Variants in PREX1 observed in about 807,000 individuals in gnomAD.
PREX1 encodes phosphatidylinositol-3,4,5-trisphosphate dependent Rac exchange factor 1, also known as phosphatidylinositol 3,4,5-trisphosphate-dependent Rac exchanger 1 protein.
PREX1 carries 41 observed loss-of-function variants against 198.3 expected under a neutral mutation model. The ratio of observed to expected loss-of-function variants is 0.21; its 90% CI spans 0.16 to 0.27. The LOEUF is 0.27. Among genes scored for constraint, PREX1 ranks in the 10% least tolerant of loss-of-function variants. The pLI, the probability that PREX1 is intolerant of heterozygous loss-of-function variation, is 1.00. For synonymous variants in PREX1, 843 were observed against 887.2 expected, an observed-to-expected ratio of 0.95 and a Z score of 0.89; for missense variants, 1,620 against 2,200.7, an observed-to-expected ratio of 0.74 and a Z score of 5.28.
chr20:48,711,048 C>T (rs896755974), intron 5 of PREX1, among the ~76,000 whole-genome samples: 1 of 152,242 alleles, frequency 6.6e-6, no homozygotes, highest in Non-Finnish European at 1.5e-5. Flanking sequence ...TTTAAAGGAC[C>T]TCCCTGGCTG....
At chr20:48,768,545 A>G (rs530032372) in intron 1 of PREX1, among the ~76,000 whole-genome samples, 3 of 152,302 alleles carry the variant, frequency 2.0e-5, no homozygotes, top group African/African-American at 7.2e-5. Flanking sequence ...CTGTAATACC[A>G]GCACTTTGGG....
intron 33 of PREX1, among the ~76,000 whole-genome samples, chr20:48,634,088 ATGGATGGATGGATGCATGGATGCC>A (rs1315207787): frequency 2.8e-5 from 4 of 143,282 alleles, no homozygotes; most frequent in African/African-American, 1.0e-4. Flanking sequence ...GGATGGACGG[ATGGATGGATGGATGCATGGATGCC>A]TGGATGGATG....
intron 2 of PREX1, among the ~76,000 whole-genome samples, chr20:48,745,672 A>G (rs534041030): frequency 1.3e-5 from 2 of 152,366 alleles, no homozygotes; most frequent in African/African-American, 4.8e-5. Context: ...ACTCTCACAA[A>G]CAATATATGA....
intron 5 of PREX1, among the ~76,000 whole-genome samples, chr20:48,722,503 G>A (rs1255050891): frequency 2.0e-5 from 3 of 152,212 alleles, no homozygotes; most frequent in Non-Finnish European, 4.4e-5. Context: ...TCTTTTGGGG[G>A]TGACAGAAAT....
At chr20:48,784,551 T>C (rs933052395) in intron 1 of PREX1, among the ~76,000 whole-genome samples, 1 of 152,172 alleles carries the variant, frequency 6.6e-6, no homozygotes, top group African/African-American at 2.4e-5. Context: ...AGGCCTCATT[T>C]TGGTAACAAT....
intron 1 of PREX1, among the ~76,000 whole-genome samples, chr20:48,808,556 G>A (rs946060117): frequency 2.0e-5 from 3 of 152,068 alleles, no homozygotes; most frequent in East Asian, 1.9e-4. Context: ...TCATCTACCC[G>A]CACAAGTAGC....
At chr20:48,828,129 C>A (rs893370341), upstream of PREX1, among the ~76,000 whole-genome samples, 2 of 149,782 alleles carry the variant, frequency 1.3e-5, no homozygotes, top group Admixed American at 6.6e-5. Context: ...CTGCCAAGTG[C>A]CACGCCGCGC....
chr20:48,802,370 C>T (rs1231281388), intron 1 of PREX1, among the ~76,000 whole-genome samples: 1 of 152,134 alleles, frequency 6.6e-6, no homozygotes, highest in African/African-American at 2.4e-5. Context: ...CTCACTCTAC[C>T]CAGCCACACC....
At chr20:48,773,337 C>T (rs1220216685) in intron 1 of PREX1, among the ~76,000 whole-genome samples, 1 of 151,066 alleles carries the variant, frequency 6.6e-6, no homozygotes, top group Non-Finnish European at 1.5e-5. Context: ...TCAAGCTTCT[C>T]ATCCTGGCAT....
At chr20:48,818,513 AG>A (rs1314309428) in intron 1 of PREX1, among the ~76,000 whole-genome samples, 1 of 152,216 alleles carries the variant, frequency 6.6e-6, no homozygotes, top group East Asian at 1.9e-4. Flanking sequence ...TAAGGAGAAC[AG>A]AATGCGGGAG....
At chr20:48,813,638 A>G (rs894750918) in intron 1 of PREX1, among the ~76,000 whole-genome samples, 3 of 152,092 alleles carry the variant, frequency 2.0e-5, no homozygotes, top group Non-Finnish European at 4.4e-5. Context: ...AATAATAATA[A>G]CGTGTGTGTG....
At chr20:48,787,979 G>A (rs549252640) in intron 1 of PREX1, among the ~76,000 whole-genome samples, 40 of 152,330 alleles carry the variant, frequency 2.6e-4, no homozygotes, top group African/African-American at 4.8e-4. Context: ...GAAAACTGCC[G>A]ATGTGGGAGC....
chr20:48,822,555 C>T (rs1490664905), intron 1 of PREX1, among the ~76,000 whole-genome samples: 1 of 152,176 alleles, frequency 6.6e-6, no homozygotes, highest in Non-Finnish European at 1.5e-5. Context: ...CAAATTGTTA[C>T]CATTATTACT....
At chr20:48,838,871 C>T in the PREX1 span, among the ~76,000 whole-genome samples, 3 of 151,348 alleles carry the variant, frequency 2.0e-5, no homozygotes, top group Admixed American at 2.0e-4. Flanking sequence ...ACTAAAAATA[C>T]AAAAATTAGC....
At chr20:48,825,182 G>C (rs765390527) in intron 1 of PREX1, among the ~76,000 whole-genome samples, 2 of 152,174 alleles carry the variant, frequency 1.3e-5, no homozygotes, top group Non-Finnish European at 2.9e-5. Context: ...GGCCATTCCT[G>C]ACGGGCCAAG....
chr20:48,641,018 T>C (rs1351975032), intron 29 of PREX1, among the ~76,000 whole-genome samples: 1 of 150,364 alleles, frequency 6.7e-6, no homozygotes, highest in Non-Finnish European at 1.5e-5. Flanking sequence ...AATGGATGAG[T>C]GGATGGATAG....
Position 48,749,151 on chromosome 20 carries a change from C to A in PREX1, c.220-1271G>T, listed in dbSNP as rs2090122751. On this transcript the variant is annotated intron_variant, in intron 1 of 39. Transcript: ENST00000371941. ...GCACCTAAGGGAGACCGAGGCCCAG[C>A]ACCCACAGCCACCTCCGCCTGGTTT... Among the ~76,000 whole-genome samples, 4 of 152,278 alleles carry A rather than the reference C, an allele frequency of 2.6e-5. No individual in the cohort carries two copies. The South Asian group carries it at 8.3e-4, about 32-fold the overall frequency.
intron 14 of PREX1, among the ~76,000 whole-genome samples, chr20:48,673,938 A>G (rs1162617819): frequency 6.6e-6 from 1 of 152,246 alleles, no homozygotes; most frequent in Non-Finnish European, 1.5e-5. Flanking sequence ...TATTGGTTTT[A>G]GCTTCATTCT....
chr20:48,766,233 C>A (rs1389069675), intron 1 of PREX1, among the ~76,000 whole-genome samples: 1 of 152,228 alleles, frequency 6.6e-6, no homozygotes, highest in Non-Finnish European at 1.5e-5. Context: ...CCCTTCCCCA[C>A]CCCTAGGTCC....
Sources: gnomAD v4.1 joint callset for allele counts (sites outside exome capture counted in the v4.1 genomes callset) on GRCh38, gnomAD v4.1.1 for gene constraint, MANE v1.5 for transcripts, NCBI Gene and HGNC (gene_info 2026-07-23, HGNC 2026-07-21) for gene names.